The following ADCY9 variants were observed in gnomAD, a reference collection of about 807,000 sequenced individuals.
ADCY9 encodes adenylate cyclase type 9.
In ADCY9, 50 loss-of-function variants were observed where a neutral mutation model predicts 101.5. The ratio of observed to expected loss-of-function variants is 0.49; its 90% CI spans 0.39 to 0.62. The LOEUF (loss-of-function observed/expected upper bound fraction) is 0.62, where lower values mean the gene tolerates loss of function less well. Ranked by LOEUF, ADCY9 falls within the 20% of genes least tolerant of loss-of-function variation. The pLI, the probability that ADCY9 is intolerant of heterozygous loss-of-function variation, is 0.00. For synonymous variants in ADCY9, 905 were observed against 769.3 expected (o/e 1.18, Z -2.92); for missense variants, 1,662 against 1,800.4 (o/e 0.92, Z 1.39).
At chr16:3,974,235 G>A (rs1023226153) in intron 10 of ADCY9, among the ~76,000 whole-genome samples, 1 of 152,046 alleles carries the variant, frequency 6.6e-6, no homozygotes, top group East Asian at 1.9e-4. Flanking sequence ...TAGTAGAGAC[G>A]GGGTTTCACC....
chr16:4,037,599 A>G (rs1452273184), intron 2 of ADCY9, among the ~76,000 whole-genome samples: 1 of 152,154 alleles, frequency 6.6e-6, no homozygotes, highest in Non-Finnish European at 1.5e-5. Flanking sequence ...AATAATAGCC[A>G]TTGTGCCCAG....
At chr16:4,027,826 A>G (rs961370964) in intron 2 of ADCY9, among the ~76,000 whole-genome samples, 1 of 151,932 alleles carries the variant, frequency 6.6e-6, no homozygotes, top group Admixed American at 6.6e-5. Context: ...GTGGTGAGCC[A>G]AGATCATGCC....
intron 2 of ADCY9, among the ~76,000 whole-genome samples, chr16:4,109,815 G>C (rs1264512178): frequency 6.6e-6 from 1 of 152,102 alleles, no homozygotes; most frequent in Admixed American, 6.5e-5. Context: ...ACACTCACTA[G>C]CTCTGAAAGA....
intron 2 of ADCY9, among the ~76,000 whole-genome samples, chr16:4,088,344 T>G (rs1251558899): frequency 2.6e-5 from 4 of 152,004 alleles, no homozygotes; most frequent in African/African-American, 9.7e-5. Flanking sequence ...CAGGCTGGAG[T>G]GCAGCAGCAT....
rs2057150442 is a variant in ADCY9, at chr16:4,116,046, G to C, written c.-400C>G. The C allele has an allele frequency of 6.9e-6, 1 of 145,588 alleles. No individual in the cohort carries two copies. Among genetic ancestry groups the C allele is most frequent in the African/African-American group, 2.5e-5 (1 of 40,744 alleles). The allele number at this position is 145,588 out of a possible 1,614,324, so 9.0% of individuals were successfully genotyped here. A position where few individuals can be genotyped will look rare whatever the true frequency, so the allele number is the denominator to read the frequency against. Reference sequence around the variant, plus strand: ...CTCGCGCTCCCCGGCCGCCCCCCGCGCTCCGGGCCGGCCCTGCCCGCGGCG... The same window carrying C: ...CTCGCGCTCCCCGGCCGCCCCCCGCCCTCCGGGCCGGCCCTGCCCGCGGCG... On this transcript the variant is annotated 5_prime_UTR_variant, in exon 1 of 11. Transcript: ENST00000294016.
At position 3,965,949 on chromosome 16, in the gene ADCY9, G is replaced by A. The variant is rs1417697017; in HGVS notation, c.3888C>T (p.Asp1296=). 9.9e-6 allele frequency: 16 copies of A among 1,614,178 alleles called. No individual in the cohort carries two copies. The highest frequency in any genetic ancestry group is 3.3e-4 in the Middle Eastern group (2 of 6,062). Residue 1296 remains aspartate (D), a synonymous_variant, in exon 11 of 11, where the codon GAC becomes GAT. Coordinates refer to ENST00000294016, the MANE Select transcript of ADCY9 (RefSeq NM_001116.4). ...QYVDKTSLGS[D]SSTQAKDAHL... ...GGGCATCCTTGGCCTGCGTGCTGCT[G>A]TCAGAACCCAGAGATGTCTTGTCCA...
chr16:4,114,030 C>G lies in ADCY9; in HGVS notation c.1413G>C (p.Lys471Asn). Residue 471 changes from lysine (K) to asparagine (N), a missense_variant, in exon 2 of 11, where the codon AAG (lysine) becomes AAC (asparagine). Coordinates refer to ENST00000294016, the MANE Select transcript of ADCY9 (RefSeq NM_001116.4). This position sits in a 1 kb window ranked among gnomAD's most constrained non-coding sequence, Gnocchi z 4.3. Reference protein sequence around the residue: ...CCIEMGLGMIKAIEQFCQEKK... With the variant: ...CCIEMGLGMINAIEQFCQEKK... ...TCTCCTGGCAGAACTGCTCGATGGC[C>G]TTGATCATGCCCAGGCCCATCTCGA... The G allele has an allele frequency of 6.2e-7, 1 of 1,613,884 alleles. No individual in the cohort carries two copies. The highest frequency in any genetic ancestry group is 8.5e-7 in the Non-Finnish European group (1 of 1,180,048).
chr16:3,988,580 GACCCCTTCCATGGCAGGT>G (rs2056216721), intron 6 of ADCY9, among the ~76,000 whole-genome samples: 1 of 130,466 alleles, frequency 7.7e-6, no homozygotes, highest in African/African-American at 3.2e-5. Flanking sequence ...GCAGGTGGGG[GACCCCTTCCATGGCAGGT>G]GGGGGGGGTT....
rs2056260520 is a variant in ADCY9, at chr16:3,993,278, C to T, written c.1989+128G>A. On this transcript the variant is annotated intron_variant, in intron 4 of 10. Transcript: ENST00000294016. Reference sequence around the variant, plus strand: ...GTCTCTTCAACACCCGGAGGACCCGCGGGTGCGGAGTGCTGTTACCCAAGA... The same window carrying T: ...GTCTCTTCAACACCCGGAGGACCCGTGGGTGCGGAGTGCTGTTACCCAAGA... 16 of 1,469,060 alleles carry T rather than the reference C, an allele frequency of 1.1e-5. No individual in the cohort carries two copies. The East Asian group carries it at 1.5e-4, about 14-fold the overall frequency. 91.0% of individuals were successfully genotyped at this position (1,469,060 alleles called of 1,614,324 possible). A position where few individuals can be genotyped will look rare whatever the true frequency, so the allele number is the denominator to read the frequency against.
At chr16:4,004,569 G>C (rs2056354502) in intron 3 of ADCY9, among the ~76,000 whole-genome samples, 1 of 152,158 alleles carries the variant, frequency 6.6e-6, no homozygotes, top group South Asian at 2.1e-4. Context: ...CGCTCCATGT[G>C]TTTAATTAAA....
At chr16:4,063,888 C>A (rs1335829199) in intron 2 of ADCY9, among the ~76,000 whole-genome samples, 1 of 152,030 alleles carries the variant, frequency 6.6e-6, no homozygotes, top group Admixed American at 6.6e-5. Context: ...TGTTCAGAAA[C>A]AAAACAAGGA....
At chr16:4,033,552 G>C (rs1020902490) in intron 2 of ADCY9, among the ~76,000 whole-genome samples, 8 of 151,378 alleles carry the variant, frequency 5.3e-5, no homozygotes, top group Non-Finnish European at 1.0e-4. Context: ...CCCTGCCTCA[G>C]CCTCCTGAGT....
intron 2 of ADCY9, among the ~76,000 whole-genome samples, chr16:4,063,455 T>A (rs1223221325): frequency 1.3e-5 from 2 of 151,960 alleles, no homozygotes; most frequent in Non-Finnish European, 2.9e-5. Flanking sequence ...ACACCTGTAA[T>A]CTCAACACTT....
intron 5 of ADCY9, among the ~76,000 whole-genome samples, chr16:3,955,779 G>A (rs993355643): frequency 6.6e-6 from 1 of 151,930 alleles, no homozygotes; most frequent in African/African-American, 2.4e-5. Context: ...TCAAACTCCT[G>A]ACCCTGTGAT....
chr16:4,073,941 C>T (rs1484768993), intron 2 of ADCY9, among the ~76,000 whole-genome samples: 1 of 152,074 alleles, frequency 6.6e-6, no homozygotes, highest in Non-Finnish European at 1.5e-5. Context: ...TCTAAAACTA[C>T]ACTGTCTATA....
At chr16:4,098,966 C>T (rs1382867933) in intron 2 of ADCY9, among the ~76,000 whole-genome samples, 1 of 151,880 alleles carries the variant, frequency 6.6e-6, no homozygotes, top group Admixed American at 6.6e-5. Context: ...GAGTTCTCAC[C>T]GTGTCACCCA....
chr16:3,956,921 A>G (rs2055909887), intron 5 of ADCY9, among the ~76,000 whole-genome samples: 1 of 152,096 alleles, frequency 6.6e-6, no homozygotes, highest in Non-Finnish European at 1.5e-5. Flanking sequence ...GGCTTATTTG[A>G]GCAATTAAAC....
At position 3,977,081 on chromosome 16, in the gene ADCY9, C is replaced by A. The variant is rs2141682413; in HGVS notation, c.2828+401G>T. On this transcript the variant is annotated intron_variant, in intron 9 of 10. Coordinates refer to ENST00000294016, the MANE Select transcript of ADCY9 (RefSeq NM_001116.4). The stretch of plus-strand genomic sequence containing the variant: ...CTACCCCACTCAAGGAAAGTCAGCA[C>A]CAGCTTCCTCTCCACCTTCACATCC... 1.3e-5 allele frequency among the ~76,000 whole-genome samples: 2 copies of A among 152,356 alleles called. 1 individual carries two copies. The highest frequency in any genetic ancestry group is 4.1e-4 in the South Asian group (2 of 4,832).
At position 4,115,152 on chromosome 16, in the gene ADCY9, C is replaced by T; in HGVS notation, c.291G>A (p.Ser97=). 1.2e-6 allele frequency: 2 copies of T among 1,613,820 alleles called. No individual in the cohort carries two copies. The highest frequency in any genetic ancestry group is 1.7e-6 in the Non-Finnish European group (2 of 1,180,024). ...CCAGGCAGGCCTCCTCCAGGTTCAC[C>T]GAGTCGAACTTGGGGTCCCACCAGC... ...SSRWWDPKFD[S]VNLEEACLER... is the part of the protein sequence containing the mutation. Residue 97 remains serine (S), a synonymous_variant, in exon 2 of 11, where the codon TCG becomes TCA. Transcript: ENST00000294016. This position sits in a 1 kb window ranked among gnomAD's most constrained non-coding sequence, Gnocchi z 6.2.
Sources: gnomAD v4.1 joint callset for allele counts (sites outside exome capture counted in the v4.1 genomes callset) on GRCh38, gnomAD v4.1.1 for gene constraint, Gnocchi (gnomAD v3.1) non-coding constraint, MANE v1.5 for transcripts, NCBI Gene and HGNC (gene_info 2026-07-23, HGNC 2026-07-21) for gene names.